Variants in PRELID2 observed in about 807,000 individuals in gnomAD.
The protein encoded by PRELID2 is PRELI domain containing 2, also known as PRELI domain-containing protein 2.
In PRELID2, 25 loss-of-function variants were observed where a neutral mutation model predicts 28.4. That is an observed-to-expected ratio of 0.88 (90% confidence interval 0.64 to 1.23). The LOEUF (loss-of-function observed/expected upper bound fraction) is 1.23. Ranked by LOEUF, PRELID2 falls within the 50% of genes most tolerant of loss-of-function variation. The probability of loss-of-function intolerance (pLI) is 0.00; values close to 1 mark genes in which losing one functional copy is unlikely to be tolerated. For missense variants in PRELID2, 201 were observed against 214.4 expected (o/e 0.94, Z 0.39); for synonymous variants, 76 against 71.6 (o/e 1.06, Z -0.31).
At chr5:145,330,173 G>A in the PRELID2 span, among the ~76,000 whole-genome samples, 1 of 152,110 alleles carries the variant, frequency 6.6e-6, no homozygotes, top group Non-Finnish European at 1.5e-5. Flanking sequence ...GATTCAGTTT[G>A]CTAGTATTTT....
At chr5:145,483,832 A>G (rs781622795) in intron 1 of PRELID2, among the ~76,000 whole-genome samples, 93 of 152,380 alleles carry the variant, frequency 6.1e-4, no homozygotes, top group Admixed American at 1.5e-3. Context: ...TATAAAAGCC[A>G]TTAATACTAT....
the PRELID2 span, among the ~76,000 whole-genome samples, chr5:145,454,192 G>A: frequency 6.6e-6 from 1 of 152,066 alleles, no homozygotes; most frequent in Non-Finnish European, 1.5e-5. Flanking sequence ...TTATGGTTTG[G>A]ATTTGATGCA....
intron 1 of PRELID2, among the ~76,000 whole-genome samples, chr5:145,718,963 T>C (rs1433634921): frequency 6.6e-6 from 1 of 152,020 alleles, no homozygotes; most frequent in African/African-American, 2.4e-5. Flanking sequence ...ATACACTATA[T>C]GGGAAAAAGA....
chr5:145,667,669 G>C (rs994033300), intron 1 of PRELID2, among the ~76,000 whole-genome samples: 1 of 152,034 alleles, frequency 6.6e-6, no homozygotes, highest in Non-Finnish European at 1.5e-5. Flanking sequence ...GACAGGTCTA[G>C]GATCAAACTC....
the PRELID2 span, among the ~76,000 whole-genome samples, chr5:145,399,712 A>T: frequency 6.6e-6 from 1 of 152,058 alleles, no homozygotes; most frequent in Non-Finnish European, 1.5e-5. Flanking sequence ...CATACCCAAG[A>T]CTGGCCCATT....
the PRELID2 span, among the ~76,000 whole-genome samples, chr5:145,424,398 C>T: frequency 1.3e-5 from 2 of 152,326 alleles, no homozygotes; most frequent in South Asian, 2.1e-4. Context: ...ACTCCGTGAG[C>T]GTTGGACCCT....
intron 4 of PRELID2, among the ~76,000 whole-genome samples, chr5:145,803,304 T>C (rs539064132): frequency 2.0e-5 from 3 of 152,254 alleles, no homozygotes; most frequent in African/African-American, 7.2e-5. Flanking sequence ...CCCATTTACA[T>C]AACTGCCTCC....
chr5:145,424,510 C>T, the PRELID2 span, among the ~76,000 whole-genome samples: 1 of 152,212 alleles, frequency 6.6e-6, no homozygotes, highest in African/African-American at 2.4e-5. Flanking sequence ...CAGGTGCCGT[C>T]AGTCACCGCT....
At chr5:145,703,285 G>A (rs1529707) in intron 1 of PRELID2, among the ~76,000 whole-genome samples, 20,120 of 152,096 alleles carry the variant, frequency 0.13, 3,362 homozygotes, top group African/African-American at 0.39. Flanking sequence ...TGGGCTTTAA[G>A]TGAACTTCGT....
At chr5:145,584,048 G>T (rs1322831259) in intron 1 of PRELID2, among the ~76,000 whole-genome samples, 2 of 152,046 alleles carry the variant, frequency 1.3e-5, no homozygotes, top group South Asian at 2.1e-4. Context: ...ACACTGCAAG[G>T]CTACAGTAAC....
chr5:145,472,593 C>T (rs1306110310), intron 2 of PRELID2, among the ~76,000 whole-genome samples: 1 of 152,132 alleles, frequency 6.6e-6, no homozygotes, highest in Non-Finnish European at 1.5e-5. Flanking sequence ...TAGCCCCCAG[C>T]CCTTTATGCC....
chr5:145,306,666 C>T, the PRELID2 span, among the ~76,000 whole-genome samples: 1 of 151,840 alleles, frequency 6.6e-6, no homozygotes, highest in Non-Finnish European at 1.5e-5. Context: ...ATTATCAGTT[C>T]AACCTAAATT....
At chr5:145,520,686 T>C (rs1752556456) in intron 1 of PRELID2, among the ~76,000 whole-genome samples, 6 of 152,200 alleles carry the variant, frequency 3.9e-5, no homozygotes, top group Admixed American at 3.9e-4. Context: ...CCCATTCCTA[T>C]AAATGTGTCG....
chr5:145,315,154 C>T, the PRELID2 span, among the ~76,000 whole-genome samples: 1 of 150,114 alleles, frequency 6.7e-6, no homozygotes, highest in Non-Finnish European at 1.5e-5. Flanking sequence ...ACTGCAACCT[C>T]CGCCTCCCGG....
rs369486386 is a variant in PRELID2 at position 145,634,811 on chromosome 5, G to A, written n.70+130120C>T. ...ACTAAATAAATGTTGAATAAAGGAA[G>A]AAAGGAATCAGCGAATGAAGTCATT... On this transcript the variant is annotated intron_variant and non_coding_transcript_variant, in intron 1 of 2. Coordinates refer to the PRELID2 transcript ENST00000510259. Among the ~76,000 whole-genome samples, 71 of 152,334 alleles carry A rather than the reference G, an allele frequency of 4.7e-4. No individual in the cohort carries two copies. The South Asian group carries it at 0.014, about 30-fold the overall frequency.
intron 1 of PRELID2, among the ~76,000 whole-genome samples, chr5:145,682,649 G>A (rs1008455043): frequency 3.3e-5 from 5 of 152,140 alleles, no homozygotes; most frequent in African/African-American, 1.2e-4. Flanking sequence ...GACCAGGCAG[G>A]GCTCTTCATG....
At chr5:145,559,273 C>T (rs761807367) in intron 1 of PRELID2, among the ~76,000 whole-genome samples, 1 of 149,900 alleles carries the variant, frequency 6.7e-6, no homozygotes, top group Non-Finnish European at 1.5e-5. Flanking sequence ...AAAAAAAAAG[C>T]GTTTTGGGAA....
chr5:145,833,034 C>T (rs993994848), intron 1 of PRELID2, among the ~76,000 whole-genome samples: 3 of 152,134 alleles, frequency 2.0e-5, no homozygotes, highest in African/African-American at 7.2e-5. Flanking sequence ...TACACACCAT[C>T]AGTTCCATGA....
the PRELID2 span, among the ~76,000 whole-genome samples, chr5:145,413,547 T>C: frequency 6.6e-6 from 1 of 151,484 alleles, no homozygotes. Context: ...AGCAGCACAA[T>C]TTGTAACTGG....
Sources: gnomAD v4.1 joint callset for allele counts (sites outside exome capture counted in the v4.1 genomes callset) on GRCh38, gnomAD v4.1.1 for gene constraint, MANE v1.5 for transcripts, NCBI Gene and HGNC (gene_info 2026-07-23, HGNC 2026-07-21) for gene names.